The following FAM184A variants were observed in gnomAD, a reference collection of about 807,000 sequenced individuals.
FAM184A encodes family with sequence similarity 184 member A.
In FAM184A, 99 loss-of-function variants were observed where a neutral mutation model predicts 143.8. The observed-to-expected ratio is 0.69, with a 90% CI of 0.58 to 0.81. The LOEUF is 0.81. Ranked by LOEUF, FAM184A falls within the 40% of genes least tolerant of loss-of-function variation. The pLI is 0.00. For synonymous variants in FAM184A, 427 were observed against 446.4 expected (o/e 0.96, Z 0.55); for missense variants, 1,217 against 1,310.5 (o/e 0.93, Z 1.10).
At chr6:119,057,307 A>C (rs768956246) in intron 1 of FAM184A, among the ~76,000 whole-genome samples, 9 of 152,178 alleles carry the variant, frequency 5.9e-5, no homozygotes, top group Non-Finnish European at 1.2e-4. Flanking sequence ...ATGATTATAT[A>C]GTGTAAATTC....
intron 9 of FAM184A, among the ~76,000 whole-genome samples, chr6:118,985,582 G>A (rs1407130005): frequency 6.6e-6 from 1 of 151,638 alleles, no homozygotes; most frequent in African/African-American, 2.4e-5. Flanking sequence ...AGACTTCCTA[G>A]GGCTGGCACT....
Position 118,959,954 on chromosome 6 carries a change from TCA to T in FAM184A, c.*147_*148del, listed in dbSNP as rs1783266082. 14 of 534,212 alleles carry T rather than the reference TCA, an allele frequency of 2.6e-5. No individual in the cohort carries two copies. The highest frequency in any genetic ancestry group is 2.9e-5 in the Non-Finnish European group (9 of 305,210). 33.1% of individuals were successfully genotyped at this position (534,212 alleles called of 1,614,324 possible). On this transcript the variant is annotated 3_prime_UTR_variant, in exon 18 of 18. Transcript: ENST00000338891. ...CCTTATAGAATGATTCCAATAAATA[TCA>T]CAGGAAATACAGTGCATTTTCAAGT...
chr6:118,962,687 T>A (rs896853051), intron 16 of FAM184A: 1 of 152,202 alleles, frequency 6.6e-6, no homozygotes, highest in African/African-American at 2.4e-5. Context: ...GATTTTTTAA[T>A]GTGTCTTTAA....
Position 119,020,065 on chromosome 6 carries a change from A to C in FAM184A, c.1245T>G (p.Ser415=). Residue 415 remains serine, a synonymous_variant, in exon 4 of 18, where the codon TCT becomes TCG. Coordinates refer to ENST00000338891, the MANE Select transcript of FAM184A (RefSeq NM_024581.6). ...AAAAAGCTCTTTCCTCTTCAAGTTG[A>C]GATAATCTCTCATTGACTCTCGATT... ...SEKSRVNERL[S]QLEEERAFLR... 1 of 1,608,960 alleles carries C rather than the reference A, an allele frequency of 6.2e-7. No individual in the cohort carries two copies. Among genetic ancestry groups the C allele is most frequent in the Non-Finnish European group, 8.5e-7 (1 of 1,178,474 alleles).
intron 14 of FAM184A, among the ~76,000 whole-genome samples, chr6:118,970,008 A>ATATATATATATATTTTTTTTTT: frequency 2.6e-4 from 5 of 19,052 alleles, no homozygotes; most frequent in African/African-American, 7.7e-4. Flanking sequence ...ATATATATAT[A>ATATATATATATATTTTTTTTTT]TTTTTTTTTT....
In FAM184A at chr6:119,078,183, C is replaced by G. The variant is rs765895833; in HGVS notation, c.117G>C (p.Glu39Asp). ...TTTTCTTGCTCATTTTCAGGTGCAT[C>G]TCCTGGCTGTAGTCCATGCTGTGCC... ...LAGHSMDYSQEMHLKMSKKIA... is the reference protein window; with the variant it reads ...LAGHSMDYSQDMHLKMSKKIA... Residue 39 changes from glutamate to aspartate, a missense_variant, in exon 1 of 18, where the codon GAG becomes GAC. Glu to Asp is a conservative substitution (Grantham distance 45, BLOSUM62 2). Coordinates refer to ENST00000338891, the MANE Select transcript of FAM184A (RefSeq NM_024581.6). The surrounding 1 kb of genome is among the most constrained non-coding windows in gnomAD (Gnocchi z 5.5). 6.3e-7 allele frequency: 1 copy of G among 1,591,226 alleles called. No individual in the cohort carries two copies. Among genetic ancestry groups the G allele is most frequent in the Non-Finnish European group, 8.5e-7 (1 of 1,170,800 alleles).
At chr6:119,122,664 G>A (rs572137696) in intron 1 of FAM184A, among the ~76,000 whole-genome samples, 39 of 152,264 alleles carry the variant, frequency 2.6e-4, no homozygotes, top group African/African-American at 9.1e-4. Flanking sequence ...GCTCCTGCCT[G>A]TAATCCCAGC....
chr6:119,070,664 TTATC>T (rs1787650058), intron 1 of FAM184A, among the ~76,000 whole-genome samples: 2 of 151,818 alleles, frequency 1.3e-5, no homozygotes, highest in African/African-American at 2.4e-5. Context: ...CTGTTTTTAT[TTATC>T]TATTTATCTA....
At chr6:119,016,635 T>A (rs1321044430) in intron 5 of FAM184A, 112 bp downstream of exon 5, 2 of 836,884 alleles carry the variant, frequency 2.4e-6, no homozygotes, top group African/African-American at 3.4e-5. Flanking sequence ...ACCGCGGGGG[T>A]CCGTGGGTTT....
At chr6:119,133,338 T>C (rs535226206) in intron 1 of FAM184A, among the ~76,000 whole-genome samples, 2 of 152,140 alleles carry the variant, frequency 1.3e-5, no homozygotes, top group Non-Finnish European at 1.5e-5. Flanking sequence ...AAAGTAATTG[T>C]CACAGCTTAA....
intron 1 of FAM184A, among the ~76,000 whole-genome samples, chr6:119,033,173 C>T (rs959643229): frequency 6.6e-5 from 10 of 152,038 alleles, no homozygotes; most frequent in Admixed American, 2.0e-4. Context: ...TGTTTGGAGC[C>T]GGGGTATTAG....
rs1785555873 is a variant in FAM184A, at chr6:119,024,330, C to T, written c.643G>A (p.Gly215Ser). Residue 215 changes from glycine (G) to serine (S), a missense_variant, in exon 2 of 18, where the codon GGC (glycine) becomes AGC (serine). By Grantham distance (56) the Gly-to-Ser change is moderately conservative (BLOSUM62 0). Coordinates refer to ENST00000338891, the MANE Select transcript of FAM184A (RefSeq NM_024581.6). Reference sequence around the variant, plus strand: ...TGTAGTTCCTCTGCCTTTTCCTGGCCTTTATTTACTGAGGCACTGTGATCC... The same window carrying T: ...TGTAGTTCCTCTGCCTTTTCCTGGCTTTTATTTACTGAGGCACTGTGATCC... ...QQDHSASVNK[G>S]QEKAEELHRM... 6.2e-7 allele frequency: 1 copy of T among 1,614,126 alleles called. No homozygotes were observed. The highest frequency in any genetic ancestry group is 1.7e-5 in the Admixed American group (1 of 60,008).
At chr6:119,138,003 T>C (rs1448019332) in intron 1 of FAM184A, among the ~76,000 whole-genome samples, 1 of 152,236 alleles carries the variant, frequency 6.6e-6, no homozygotes, top group Non-Finnish European at 1.5e-5. Context: ...CTCCGGCACT[T>C]AGACAAGCTA....
chr6:119,069,077 G>T (rs1212913852), intron 1 of FAM184A: 2 of 364,292 alleles, frequency 5.5e-6, no homozygotes, highest in Non-Finnish European at 1.2e-5. Flanking sequence ...AGCAACTGAG[G>T]TTCTTGCCAT....
rs530813071 is a variant in FAM184A, at chr6:118,984,149, T to TAAA, written c.2089-3802_2089-3800dup. Among the ~76,000 whole-genome samples, 458 of 111,932 alleles carry TAAA rather than the reference T, an allele frequency of 4.1e-3. 4 individuals carry two copies. The highest frequency in any genetic ancestry group is 0.01 in the African/African-American group (292 of 28,194). The allele number at this position is 111,932 out of a possible 152,430, so 73.4% of individuals were successfully genotyped here. A position where few individuals can be genotyped will look rare whatever the true frequency, so the allele number is the denominator to read the frequency against. ...TGGGCAATGATAACGAAACTCCATTTAAAAAAAAAATATATATATATATAT... is the reference window on the plus strand; with the variant it reads ...TGGGCAATGATAACGAAACTCCATTTAAAAAAAAAAAAATATATATATATATAT... On this transcript the variant is annotated intron_variant, in intron 9 of 17. Coordinates refer to ENST00000338891, the MANE Select transcript of FAM184A (RefSeq NM_024581.6).
At chr6:119,006,924 A>G (rs759159921) in intron 6 of FAM184A, among the ~76,000 whole-genome samples, 2 of 152,246 alleles carry the variant, frequency 1.3e-5, no homozygotes, top group Non-Finnish European at 2.9e-5. Context: ...TAAAGATTAT[A>G]TAAAAGAGTA....
chr6:119,085,313 C>T (rs1373140238), intron 1 of FAM184A, among the ~76,000 whole-genome samples: 1 of 152,132 alleles, frequency 6.6e-6, no homozygotes, highest in Non-Finnish European at 1.5e-5. Context: ...ATTTCTTCTG[C>T]GAGATACCCT....
At position 119,137,914 on chromosome 6, in the gene FAM184A, C is replaced by A. The variant is rs769431238; in HGVS notation, c.-202+11164G>T. On this transcript the variant is annotated intron_variant, in intron 1 of 16. Coordinates refer to the FAM184A transcript ENST00000352896. ...TGTTTCCTCTTCTGTCTTGCAGATACCCCAACAGAAATTCTTAGCAAGGCC... is the reference window on the plus strand; with the variant it reads ...TGTTTCCTCTTCTGTCTTGCAGATAACCCAACAGAAATTCTTAGCAAGGCC... 3.9e-4 allele frequency among the ~76,000 whole-genome samples: 59 copies of A among 152,320 alleles called. 1 individual carries two copies. The highest frequency in any genetic ancestry group is 3.4e-3 in the Middle Eastern group (1 of 294).
At chr6:119,146,441 T>TGC (rs56971402) in intron 1 of FAM184A, among the ~76,000 whole-genome samples, 2 of 147,514 alleles carry the variant, frequency 1.4e-5, no homozygotes, top group Admixed American at 1.4e-4. Flanking sequence ...TGTGTGTGTG[T>TGC]TTATTTGGAG....
Sources: gnomAD v4.1 joint callset for allele counts (sites outside exome capture counted in the v4.1 genomes callset) on GRCh38, gnomAD v4.1.1 for gene constraint, Gnocchi (gnomAD v3.1) non-coding constraint, MANE v1.5 for transcripts, NCBI Gene and HGNC (gene_info 2026-07-23, HGNC 2026-07-21) for gene names.